The following USP43 variants were observed in gnomAD, a reference collection of about 807,000 sequenced individuals.
The protein encoded by USP43 is ubiquitin carboxyl-terminal hydrolase 43.
USP43 carries 33 observed loss-of-function variants against 90.7 expected under a neutral mutation model. That is an observed-to-expected ratio of 0.36 (90% confidence interval 0.28 to 0.49). USP43 has a LOEUF of 0.49. USP43 is among the 20% of genes least tolerant of loss of function. The pLI, the probability that USP43 is intolerant of heterozygous loss-of-function variation, is 0.98. For missense variants in USP43, 1,274 were observed against 1,476.4 expected (o/e 0.86, Z 2.25); for synonymous variants, 598 against 615.8 (o/e 0.97, Z 0.43).
chr17:9,655,187 C>G (rs1050206938), intron 1 of USP43, among the ~76,000 whole-genome samples: 2 of 150,164 alleles, frequency 1.3e-5, no homozygotes, highest in East Asian at 3.9e-4. Context: ...GTCCCTTTGG[C>G]AGGCATGAAC....
At chr17:9,653,316 A>G (rs1285898487) in intron 1 of USP43, among the ~76,000 whole-genome samples, 1 of 152,164 alleles carries the variant, frequency 6.6e-6, no homozygotes, top group Non-Finnish European at 1.5e-5. Flanking sequence ...AGCCAAGTGC[A>G]GTGGCTTACA....
At chr17:9,662,239 C>T (rs1386314216) in intron 2 of USP43, among the ~76,000 whole-genome samples, 1 of 152,022 alleles carries the variant, frequency 6.6e-6, no homozygotes, top group Non-Finnish European at 1.5e-5. Flanking sequence ...TTCAGGGTTC[C>T]AAAACAGGGG....
chr17:9,658,037 TA>T (rs1597817682), intron 2 of USP43, among the ~76,000 whole-genome samples: 1 of 152,244 alleles, frequency 6.6e-6, no homozygotes, highest in East Asian at 1.9e-4. Flanking sequence ...AATTAATCAA[TA>T]ACACATACCT....
At position 9,701,561 on chromosome 17, in the gene USP43, C is replaced by G. The variant is rs778417571; in HGVS notation, c.1872C>G (p.Thr624=). 7.7e-5 allele frequency: 121 copies of G among 1,566,866 alleles called. No homozygotes were observed. Among genetic ancestry groups the G allele is most frequent in the Admixed American group, 1.7e-4 (9 of 52,350 alleles). The change falls in exon 12 of 15, where the codon ACC becomes ACG. Residue 624 remains threonine, a synonymous_variant. Transcript: ENST00000285199. This position sits in a 1 kb window ranked among gnomAD's most constrained non-coding sequence, Gnocchi z 7.2. ...CTCCCCATGTGGCCCAGAGAAGCAC[C>G]AGCCCTGAGGCAGGACTGGGCCCCT... The part of the protein sequence containing the change: ...NMAPHVAQRS[T]SPEAGLGPWP...
chr17:9,668,179 C>T (rs150791744), intron 3 of USP43, among the ~76,000 whole-genome samples: 137 of 152,248 alleles, frequency 9.0e-4, no homozygotes, highest in African/African-American at 3.0e-3. Flanking sequence ...TGCTTTTCTC[C>T]GAGTCGTCTG....
At chr17:9,655,369 G>T (rs188778482) in intron 1 of USP43, among the ~76,000 whole-genome samples, 1 of 152,380 alleles carries the variant, frequency 6.6e-6, no homozygotes, top group African/African-American at 2.4e-5. Flanking sequence ...TCCCTGGAGA[G>T]ATGCTGAAGG....
intron 2 of USP43, among the ~76,000 whole-genome samples, chr17:9,664,052 G>T (rs1912834691): frequency 6.6e-6 from 1 of 152,140 alleles, no homozygotes; most frequent in Non-Finnish European, 1.5e-5. Flanking sequence ...ACTTCCCTTT[G>T]CACTTCCTGT....
At chr17:9,676,497 G>T (rs113165431) in intron 4 of USP43, among the ~76,000 whole-genome samples, 2,237 of 152,212 alleles carry the variant, frequency 0.015, 51 homozygotes, top group African/African-American at 0.049. Flanking sequence ...AGCCTCCCAA[G>T]TAGCTGGGAT....
intron 6 of USP43, among the ~76,000 whole-genome samples, chr17:9,681,157 T>C (rs1418236759): frequency 3.8e-5 from 4 of 104,352 alleles, no homozygotes; most frequent in Admixed American, 1.3e-4. Context: ...ATATAATATA[T>C]ACTATATAAT....
intron 8 of USP43, among the ~76,000 whole-genome samples, chr17:9,688,893 T>G (rs1914759016): frequency 6.6e-6 from 1 of 152,034 alleles, no homozygotes; most frequent in Non-Finnish European, 1.5e-5. Context: ...TTCACCATTT[T>G]GCCTAGAGTG....
intron 9 of USP43, among the ~76,000 whole-genome samples, chr17:9,695,332 C>T (rs994189669): frequency 3.3e-5 from 5 of 151,952 alleles, no homozygotes; most frequent in African/African-American, 2.4e-5. Context: ...ATACATAGAA[C>T]ATAAAATTAC....
chr17:9,715,079 T>C (rs1442602944), intron 14 of USP43, among the ~76,000 whole-genome samples: 5 of 151,966 alleles, frequency 3.3e-5, no homozygotes, highest in African/African-American at 1.2e-4. Flanking sequence ...GACAGCTAAG[T>C]AGGAGATAGT....
In USP43 at chr17:9,712,281, A is replaced by T. The variant is rs549637163; in HGVS notation, c.2335+149A>T. 2.8e-5 allele frequency: 28 copies of T among 1,000,500 alleles called. No homozygotes were observed. In the South Asian group the frequency reaches 3.4e-4, roughly 12 times the overall value. The allele number at this position is 1,000,500 out of a possible 1,614,324, so 62.0% of individuals were successfully genotyped here. On this transcript the variant is annotated intron_variant, in intron 14 of 14. Transcript: ENST00000285199. Reference sequence around the variant, plus strand: ...GTTCATCTCTTAAATGGGGTCTTCTATGACCTGCCCTTCCTTGCCCGCTTC... The same window carrying T: ...GTTCATCTCTTAAATGGGGTCTTCTTTGACCTGCCCTTCCTTGCCCGCTTC...
At position 9,728,682 on chromosome 17, in the gene USP43, C is replaced by A. The variant is rs749659296; in HGVS notation, c.3064C>A (p.Pro1022Thr). 1 of 1,612,538 alleles carries A rather than the reference C, an allele frequency of 6.2e-7. No individual in the cohort carries two copies. ...ERAEVSPQVPPVSLVSGGLSP... is the reference protein window; with the variant it reads ...ERAEVSPQVPTVSLVSGGLSP... ...GGCAGAGGTCTCTCCACAGGTGCCC[C>A]CCGTCTCCCTGGTGAGTGGCGGGCT... The change falls in exon 15 of 15, where the codon CCC becomes ACC. Residue 1022 changes from proline to threonine, a missense_variant. Physicochemically the swap from Pro to Thr is conservative, Grantham distance 38. This residue lies in a region of USP43 where 353 missense variants were observed against 329.7 expected (regional missense o/e 1.07). Transcript: ENST00000285199. This position sits in a 1 kb window ranked among gnomAD's most constrained non-coding sequence, Gnocchi z 6.2.
chr17:9,700,133 C>T (rs748334112), intron 9 of USP43, 39 bp from the exon 10 acceptor site: 1 of 1,547,722 alleles, frequency 6.5e-7, no homozygotes, highest in Non-Finnish European at 8.8e-7. Context: ...GGGAAGGAGG[C>T]CCCGTGTTTT....
At chr17:9,716,807 C>T (rs910901050) in intron 14 of USP43, among the ~76,000 whole-genome samples, 5 of 152,114 alleles carry the variant, frequency 3.3e-5, no homozygotes, top group African/African-American at 1.2e-4. Flanking sequence ...GCAATGTCTG[C>T]TACTTGACAA....
At position 9,709,922 on chromosome 17, in the gene USP43, C is replaced by T. The variant is rs1916088851; in HGVS notation, c.2012-34C>T. 4 of 1,388,112 alleles carry T rather than the reference C, an allele frequency of 2.9e-6. No homozygotes were observed. Among genetic ancestry groups the T allele is most frequent in the Non-Finnish European group, 2.8e-6 (3 of 1,061,456 alleles). 86.0% of individuals were successfully genotyped at this position (1,388,112 alleles called of 1,614,324 possible). On this transcript the variant is annotated intron_variant, in intron 12 of 14. Transcript: ENST00000285199. This position sits in a 1 kb window ranked among gnomAD's most constrained non-coding sequence, Gnocchi z 5.0. ...AATGTCTTCCTACCTTTTGGGGCTC[C>T]AATAACTCAGACTTGGGGATGGGAC...
chr17:9,673,510 A>G (rs1469307339), intron 3 of USP43, among the ~76,000 whole-genome samples: 1 of 152,028 alleles, frequency 6.6e-6, no homozygotes, highest in African/African-American at 2.4e-5. Flanking sequence ...CTCCGTCTCC[A>G]AAAACAAACA....
intron 12 of USP43, among the ~76,000 whole-genome samples, chr17:9,704,605 C>A (rs1220483812): frequency 6.6e-6 from 1 of 152,234 alleles, no homozygotes. Flanking sequence ...GCGTGAGCCA[C>A]TGCGCCTGGC....
Sources: gnomAD v4.1 joint callset for allele counts (sites outside exome capture counted in the v4.1 genomes callset) on GRCh38, gnomAD v4.1.1 for gene constraint, gnomAD v4.1.1 regional missense constraint, Gnocchi (gnomAD v3.1) non-coding constraint, MANE v1.5 for transcripts, NCBI Gene and HGNC (gene_info 2026-07-23, HGNC 2026-07-21) for gene names.